Variants in CUL9 observed in about 807,000 individuals in gnomAD.
CUL9 encodes cullin 9.
A neutral mutation model predicts 272.6 loss-of-function variants in CUL9; 79 were observed. That is an observed-to-expected ratio of 0.29 (90% CI 0.24 to 0.35). The LOEUF (loss-of-function observed/expected upper bound fraction) is 0.35. Ranked by LOEUF, CUL9 falls within the 10% of genes least tolerant of loss-of-function variation. The probability of loss-of-function intolerance (pLI) is 1.00; values close to 1 mark genes in which losing one functional copy is unlikely to be tolerated. For synonymous variants in CUL9, 1,186 were observed against 1,286.5 expected (o/e 0.92, Z 1.67); for missense variants, 2,532 against 3,255.6 (o/e 0.78, Z 5.41).
At chr6:43,205,969 C>G (rs1775014355) in intron 24 of CUL9, 38 bp from the exon 25 acceptor site, 1 of 1,593,430 alleles carries the variant, frequency 6.3e-7, no homozygotes, top group African/African-American at 1.3e-5. Context: ...CACGCTGGCA[C>G]CCACACTGAG....
At chr6:43,205,516 G>A (rs751589441) in intron 24 of CUL9, 93 bp downstream of exon 24, 2 of 1,404,502 alleles carry the variant, frequency 1.4e-6, no homozygotes, top group Non-Finnish European at 2.0e-6. Flanking sequence ...AAAAGAGGCT[G>A]TGTAGAGGAG....
At position 43,215,068 on chromosome 6, in the gene CUL9, C is replaced by T; in HGVS notation, c.5689-11C>T. The T allele has an allele frequency of 6.3e-7, 1 of 1,590,994 alleles. No homozygotes were observed. Among genetic ancestry groups the T allele is most frequent in the Non-Finnish European group, 8.6e-7 (1 of 1,166,034 alleles). Reference sequence around the variant, plus strand: ...TAAAAGTGGACTTCTTGTTTCTTTCCTCCTATCCAGGTGCTGGAGGCCTGG... The same window carrying T: ...TAAAAGTGGACTTCTTGTTTCTTTCTTCCTATCCAGGTGCTGGAGGCCTGG... On this transcript the variant is annotated splice_polypyrimidine_tract_variant and intron_variant, in intron 29 of 40. Transcript: ENST00000252050.
At position 43,199,613 on chromosome 6, in the gene CUL9, C is replaced by G. The variant is rs1250214647; in HGVS notation, c.3156+242C>G. ...TCTGGACTAAGGAGAAGCCCACATT[C>G]ACCAATCCAGACAGCTGTCCTCCCT... On this transcript the variant is annotated intron_variant, in intron 13 of 40. Coordinates refer to ENST00000252050, the MANE Select transcript of CUL9 (RefSeq NM_015089.4). This position sits in a 1 kb window ranked among gnomAD's most constrained non-coding sequence, Gnocchi z 4.4. Among the ~76,000 whole-genome samples the G allele has an allele frequency of 3.9e-5, 6 of 152,240 alleles. No individual in the cohort carries two copies. The highest frequency in any genetic ancestry group is 5.9e-5 in the Non-Finnish European group (4 of 68,040).
chr6:43,188,883 T>C (rs1334958567), intron 8 of CUL9, 168 bp downstream of exon 8: 20 of 573,252 alleles, frequency 3.5e-5, no homozygotes, highest in Non-Finnish European at 6.1e-6. Context: ...GCTCGTATTC[T>C]TGGAGCACTT....
chr6:43,205,559 G>T, intron 24 of CUL9, 136 bp downstream of exon 24: 2 of 1,005,048 alleles, frequency 2.0e-6, no homozygotes, highest in East Asian at 2.5e-5. Flanking sequence ...GGCCAGGCGC[G>T]GTGGCTCACG....
At chr6:43,222,980 G>A (rs1582445295) in intron 38 of CUL9, 84 bp downstream of exon 38, 13 of 1,165,442 alleles carry the variant, frequency 1.1e-5, no homozygotes, top group Non-Finnish European at 1.6e-5. Flanking sequence ...AGGTCAAGCG[G>A]CACCCTTACC....
chr6:43,200,402 C>G lies in CUL9; in HGVS notation c.3385-34C>G. ...GCATTTCTCTGTGTTCCTCCCTCTC[C>G]TCTTCCTCATTCTCCCTGATGTTCC... On this transcript the variant is annotated intron_variant, in intron 14 of 40. Transcript: ENST00000252050. This position sits in a 1 kb window ranked among gnomAD's most constrained non-coding sequence, Gnocchi z 4.0. 1.2e-6 allele frequency: 2 copies of G among 1,614,080 alleles called. No individual in the cohort carries two copies. The highest frequency in any genetic ancestry group is 1.7e-6 in the Non-Finnish European group (2 of 1,180,012).
In CUL9 at chr6:43,215,444, C is replaced by T. The variant is rs546322092; in HGVS notation, c.5936+118C>T. Reference sequence around the variant, plus strand: ...TTGTCTGATCCCCTTTTCCCTATCCCTGTTATTTCCCTGACTTTGGTAGTT... The same window carrying T: ...TTGTCTGATCCCCTTTTCCCTATCCTTGTTATTTCCCTGACTTTGGTAGTT... On this transcript the variant is annotated intron_variant, in intron 30 of 40. Transcript: ENST00000252050. 11 of 1,392,682 alleles carry T rather than the reference C, an allele frequency of 7.9e-6. No individual in the cohort carries two copies. In the South Asian group the frequency reaches 1.3e-4, roughly 17 times the overall value. The allele number at this position is 1,392,682 out of a possible 1,614,324, so 86.3% of individuals were successfully genotyped here. A position where few individuals can be genotyped will look rare whatever the true frequency, so the allele number is the denominator to read the frequency against.
Position 43,187,934 on chromosome 6 carries a change from G to A in CUL9, c.1803G>A (p.Glu601=). The change falls in exon 7 of 41, where the codon GAG becomes GAA. Residue 601 remains glutamate (E), a synonymous_variant. Transcript: ENST00000252050. The part of the protein sequence containing the change: ...TPDPEEESKS[E]ASFSEEETES... Reference sequence around the variant, plus strand: ...ATCCAGAAGAGGAGTCCAAGTCGGAGGCCAGCTTCTCAGAGGAAGAGACTG... The same window carrying A: ...ATCCAGAAGAGGAGTCCAAGTCGGAAGCCAGCTTCTCAGAGGAAGAGACTG... 5 of 1,613,936 alleles carry A rather than the reference G, an allele frequency of 3.1e-6. No homozygotes were observed. Among genetic ancestry groups the A allele is most frequent in the Non-Finnish European group, 4.2e-6 (5 of 1,180,000 alleles).
At chr6:43,209,980 T>C (rs1480429941) in intron 26 of CUL9, among the ~76,000 whole-genome samples, 1 of 152,044 alleles carries the variant, frequency 6.6e-6, no homozygotes, top group African/African-American at 2.4e-5. Context: ...TGTTTTTATT[T>C]TTTATTTATT....
At position 43,224,102 on chromosome 6, in the gene CUL9, G is replaced by C. The variant is rs529028996; in HGVS notation, c.7292G>C (p.Arg2431Pro). ...AILQHSAQDF[R>P]VGLQSPSVEA... is the part of the protein sequence containing the mutation. The stretch of plus-strand genomic sequence containing the variant: ...CTTCTGTCTGCTCACCAGGATTTCC[G>C]GGTTGGTCTTCAGAGTCCATCAGTA... The change falls in exon 40 of 41, where the codon CGG becomes CCG. Residue 2431 changes from arginine to proline, a missense_variant. Physicochemically the swap from Arg to Pro is moderately radical, Grantham distance 103. This residue lies in a region of CUL9 where 237 missense variants were observed against 305.9 expected (regional missense o/e 0.77). Transcript: ENST00000252050. This position sits in a 1 kb window ranked among gnomAD's most constrained non-coding sequence, Gnocchi z 4.2. The C allele has an allele frequency of 1.2e-6, 2 of 1,614,182 alleles. No homozygotes were observed. Among genetic ancestry groups the C allele is most frequent in the Non-Finnish European group, 1.7e-6 (2 of 1,180,018 alleles).
intron 30 of CUL9, among the ~76,000 whole-genome samples, chr6:43,215,865 A>G (rs897979685): frequency 6.6e-6 from 1 of 152,190 alleles, no homozygotes; most frequent in African/African-American, 2.4e-5. Flanking sequence ...TGCTGCCACC[A>G]TTTGGGGTGA....
Position 43,215,138 on chromosome 6 carries a change from T to G in CUL9, c.5748T>G (p.Ala1916=). The change falls in exon 30 of 41, where the codon GCT becomes GCG. Residue 1916 remains alanine (A), a synonymous_variant. Coordinates refer to ENST00000252050, the MANE Select transcript of CUL9 (RefSeq NM_015089.4). ...NPPGTLGHTV[A]GGVACTSTDV... is the part of the protein sequence containing the mutation. ...CTGGAACCCTGGGCCACACTGTTGCTGGGGGTGTGGCCTGTACCAGTACAG... is the reference window on the plus strand; with the variant it reads ...CTGGAACCCTGGGCCACACTGTTGCGGGGGGTGTGGCCTGTACCAGTACAG... The G allele has an allele frequency of 6.2e-7, 1 of 1,614,118 alleles. No homozygotes were observed. Among genetic ancestry groups the G allele is most frequent in the African/African-American group, 1.3e-5 (1 of 75,062 alleles).
Position 43,184,584 on chromosome 6 carries a change from G to A in CUL9, c.274G>A (p.Glu92Lys), listed in dbSNP as rs1157715009. 9.3e-6 allele frequency: 15 copies of A among 1,612,944 alleles called. No individual in the cohort carries two copies. Among genetic ancestry groups the A allele is most frequent in the South Asian group, 3.3e-5 (3 of 91,010 alleles). Residue 92 changes from glutamate (E) to lysine (K), a missense_variant, in exon 2 of 41, where the codon GAA becomes AAA. Physicochemically the swap from Glu to Lys is moderately conservative, Grantham distance 56. Around this residue, in one of 3 missense-constraint regions of CUL9, gnomAD observed 2,218 missense variants for 2,788.6 expected, o/e 0.80. Transcript: ENST00000252050. This position sits in a 1 kb window ranked among gnomAD's most constrained non-coding sequence, Gnocchi z 4.8. ...ERALSKGLQH[E>K]PAGVSGSFPR... ...GGCACTATCTAAGGGACTTCAGCAC[G>A]AACCAGCTGGGGTTTCAGGAAGCTT...
At chr6:43,215,552 C>A (rs1397016658) in intron 30 of CUL9, among the ~76,000 whole-genome samples, 1 of 152,178 alleles carries the variant, frequency 6.6e-6, no homozygotes, top group Non-Finnish European at 1.5e-5. Flanking sequence ...GTACTCTACT[C>A]AGTTAAATAT....
In CUL9 at chr6:43,224,544, T is replaced by C. The variant is rs557783107; in HGVS notation, c.*99T>C. ...TAGGGAGGGGGATTCCCAGCGTCTG[T>C]AGTGCTTCCTGTTTGCTGAATAAAG... On this transcript the variant is annotated 3_prime_UTR_variant, in exon 41 of 41. Coordinates refer to ENST00000252050, the MANE Select transcript of CUL9 (RefSeq NM_015089.4). This position sits in a 1 kb window ranked among gnomAD's most constrained non-coding sequence, Gnocchi z 4.2. 1.8e-6 allele frequency: 2 copies of C among 1,116,906 alleles called. No individual in the cohort carries two copies. Among genetic ancestry groups the C allele is most frequent in the Non-Finnish European group, 2.5e-6 (2 of 790,436 alleles). The allele number at this position is 1,116,906 out of a possible 1,614,324, so 69.2% of individuals were successfully genotyped here.
Position 43,204,768 on chromosome 6 carries a change from C to T in CUL9, c.4360C>T (p.Arg1454Trp), listed in dbSNP as rs557163267. 8.4e-5 allele frequency: 135 copies of T among 1,614,164 alleles called. No individual in the cohort carries two copies. The highest frequency in any genetic ancestry group is 1.1e-4 in the Non-Finnish European group (125 of 1,180,014). The change falls in exon 22 of 41, where the codon CGG (arginine) becomes TGG (tryptophan). Residue 1454 changes from arginine to tryptophan, a missense_variant. Arg to Trp is a moderately radical substitution (Grantham distance 101). This residue lies in a region of CUL9 where 2,218 missense variants were observed against 2,788.6 expected (regional missense o/e 0.80). Coordinates refer to ENST00000252050, the MANE Select transcript of CUL9 (RefSeq NM_015089.4). ...TACAGTCAGCAAGAACAGCAAGGGT[C>T]GGGACCGGAGCCCGGCGCCTTCGCC... The part of the protein sequence containing the change: ...TRPFSKNSKG[R>W]DRSPAPSPVL...
Position 43,221,034 on chromosome 6 carries a change from G to A in CUL9, c.6588+123G>A. ...CTTCCTCAGCCTCTGCCACCCAGTT[G>A]AGCTCTGTTCCTCTTCCTGGAGCCC... On this transcript the variant is annotated intron_variant, in intron 33 of 40. Transcript: ENST00000252050. The surrounding 1 kb of genome is among the most constrained non-coding windows in gnomAD (Gnocchi z 4.2). 6.8e-7 allele frequency: 1 copy of A among 1,472,480 alleles called. No homozygotes were observed. Among genetic ancestry groups the A allele is most frequent in the Non-Finnish European group, 9.1e-7 (1 of 1,098,696 alleles). The allele number at this position is 1,472,480 out of a possible 1,614,324, so 91.2% of individuals were successfully genotyped here.
chr6:43,208,733 T>C (rs1404739279), intron 26 of CUL9, among the ~76,000 whole-genome samples: 1 of 152,244 alleles, frequency 6.6e-6, no homozygotes, highest in Non-Finnish European at 1.5e-5. Context: ...CTTTTTGTTT[T>C]TGCATGGAGA....
Sources: gnomAD v4.1 joint callset for allele counts (sites outside exome capture counted in the v4.1 genomes callset) on GRCh38, gnomAD v4.1.1 for gene constraint, gnomAD v4.1.1 regional missense constraint, Gnocchi (gnomAD v3.1) non-coding constraint, MANE v1.5 for transcripts, NCBI Gene and HGNC (gene_info 2026-07-23, HGNC 2026-07-21) for gene names.